Variants in ZHX3 observed in about 807,000 individuals in gnomAD.
ZHX3 encodes the protein zinc fingers and homeoboxes 3, also known as zinc fingers and homeoboxes protein 3.
A neutral mutation model predicts 64.5 loss-of-function variants in ZHX3; 20 were observed. The ratio of observed to expected loss-of-function variants is 0.31; its 90% CI spans 0.22 to 0.45. The LOEUF is 0.45. Ranked by LOEUF, ZHX3 falls within the 20% of genes least tolerant of loss-of-function variation. ZHX3 has a pLI of 1.00. For synonymous variants in ZHX3, 423 were observed against 461.6 expected (o/e 0.92, Z 1.07); for missense variants, 1,041 against 1,195.8 (o/e 0.87, Z 1.91).
intron 3 of ZHX3, among the ~76,000 whole-genome samples, chr20:41,187,761 T>C (rs2146114165): frequency 6.6e-6 from 1 of 152,376 alleles, no homozygotes; most frequent in African/African-American, 2.4e-5. Context: ...CCTGAGATTC[T>C]ATATAAACTT....
chr20:41,257,864 G>A (rs6129785), intron 2 of ZHX3, among the ~76,000 whole-genome samples: 24,163 of 143,978 alleles, frequency 0.17, 4,157 homozygotes, highest in East Asian at 0.71. Flanking sequence ...GCCCACCTTG[G>A]CCTCCCAAAG....
At chr20:41,234,824 A>G (rs1210760160) in intron 2 of ZHX3, among the ~76,000 whole-genome samples, 2 of 152,222 alleles carry the variant, frequency 1.3e-5, no homozygotes, top group African/African-American at 4.8e-5. Flanking sequence ...CTGGCATTCT[A>G]GAAGCAGCAT....
intron 1 of ZHX3, among the ~76,000 whole-genome samples, chr20:41,278,221 T>C (rs2043489766): frequency 7.2e-6 from 1 of 138,374 alleles, no homozygotes; most frequent in Non-Finnish European, 1.6e-5. Flanking sequence ...GTAACACTTG[T>C]AGTCCCAGCT....
chr20:41,297,828 A>G (rs2044611364), intron 1 of ZHX3, among the ~76,000 whole-genome samples: 1 of 152,196 alleles, frequency 6.6e-6, no homozygotes, highest in Non-Finnish European at 1.5e-5. Flanking sequence ...TCCAAAGGCG[A>G]GTTAAAGGAA....
intron 3 of ZHX3, among the ~76,000 whole-genome samples, chr20:41,197,997 C>CTTTTTTTTTTTTTT (rs1491008137): frequency 7.2e-6 from 1 of 138,236 alleles, no homozygotes; most frequent in Non-Finnish European, 1.5e-5. Context: ...TTAACTAGTG[C>CTTTTTTTTTTTTTT]TCTTTTTTTT....
intron 1 of ZHX3, among the ~76,000 whole-genome samples, chr20:41,279,341 G>A (rs1046126448): frequency 4.6e-5 from 7 of 151,504 alleles, no homozygotes; most frequent in African/African-American, 1.5e-4. Context: ...CACAACCCCC[G>A]CTCCACACAT....
intron 1 of ZHX3, among the ~76,000 whole-genome samples, chr20:41,288,724 ATG>A (rs1458331507): frequency 6.6e-6 from 1 of 152,180 alleles, no homozygotes; most frequent in African/African-American, 2.4e-5. Context: ...TTTATATTAT[ATG>A]TCTATGACCC....
intron 2 of ZHX3, among the ~76,000 whole-genome samples, chr20:41,244,630 A>AT (rs369531711): frequency 1.2e-4 from 19 of 152,306 alleles, no homozygotes; most frequent in African/African-American, 4.6e-4. Context: ...AGTGGAGAGG[A>AT]TGGATTCTAG....
At chr20:41,282,638 G>A (rs1035475719) in intron 1 of ZHX3, among the ~76,000 whole-genome samples, 1 of 152,050 alleles carries the variant, frequency 6.6e-6, no homozygotes, top group Non-Finnish European at 1.5e-5. Flanking sequence ...GATTACAGGC[G>A]TAAGCCACCG....
intron 1 of ZHX3, among the ~76,000 whole-genome samples, chr20:41,298,097 TAAG>T (rs1208170403): frequency 6.6e-6 from 1 of 152,092 alleles, no homozygotes; most frequent in Non-Finnish European, 1.5e-5. Flanking sequence ...ATTTATATTT[TAAG>T]AAGACCAGAG....
In ZHX3 at chr20:41,178,871, AAAAC is replaced by A. The variant is rs560318327; in HGVS notation, c.*6316_*6319del. 10 of 152,680 alleles carry A rather than the reference AAAAC, an allele frequency of 6.5e-5. No homozygotes were observed. The highest frequency in any genetic ancestry group is 1.4e-4 in the African/African-American group (6 of 41,458). The allele number at this position is 152,680 out of a possible 1,614,324, so 9.5% of individuals were successfully genotyped here. On this transcript the variant is annotated 3_prime_UTR_variant, in exon 4 of 4. Transcript: ENST00000683867. The stretch of plus-strand genomic sequence containing the variant: ...TTTGGCTAAAGTTTCATTGTGCCTC[AAAAC>A]AAACAAAAACAGGGCAGTTGCCTCT...
At chr20:41,255,191 G>A (rs971369195) in intron 2 of ZHX3, among the ~76,000 whole-genome samples, 2 of 152,014 alleles carry the variant, frequency 1.3e-5, no homozygotes, top group Non-Finnish European at 2.9e-5. Flanking sequence ...TCGCACTGTC[G>A]CCCAGGCTGG....
intron 1 of ZHX3, chr20:41,290,394 G>T (rs2044171481): frequency 6.6e-6 from 1 of 152,200 alleles, no homozygotes; most frequent in Non-Finnish European, 1.5e-5. Context: ...ACCTAGACAG[G>T]TTCACTCCTC....
intron 2 of ZHX3, among the ~76,000 whole-genome samples, chr20:41,215,770 T>TAAAAAAAAAAAAA (rs55922605): frequency 2.4e-4 from 24 of 101,146 alleles, no homozygotes; most frequent in African/African-American, 7.8e-4. Flanking sequence ...ACGTCTCTAC[T>TAAAAAAAAAAAAA]AAAAAAAAAA....
intron 1 of ZHX3, chr20:41,299,905 G>C (rs968839760): frequency 6.8e-6 from 1 of 146,632 alleles, no homozygotes; most frequent in African/African-American, 2.5e-5. Flanking sequence ...CCAAGCATGA[G>C]AGTTTAGTGA....
At chr20:41,269,344 C>A (rs578196902) in intron 1 of ZHX3, 12 of 152,182 alleles carry the variant, frequency 7.9e-5, no homozygotes, top group Non-Finnish European at 1.0e-4. Context: ...AACGCTCTTT[C>A]CACCAATGAG....
chr20:41,216,691 C>A (rs2039559494), intron 2 of ZHX3, among the ~76,000 whole-genome samples: 1 of 152,164 alleles, frequency 6.6e-6, no homozygotes, highest in African/African-American at 2.4e-5. Flanking sequence ...CATCCCTGCA[C>A]ATATTTTTAT....
chr20:41,244,565 G>A (rs970056185), intron 2 of ZHX3, among the ~76,000 whole-genome samples: 4 of 152,158 alleles, frequency 2.6e-5, no homozygotes, highest in Admixed American at 1.3e-4. Context: ...ATCCCATGAT[G>A]AGGGCCCTTT....
intron 1 of ZHX3, among the ~76,000 whole-genome samples, chr20:41,292,104 G>A (rs1298850321): frequency 6.7e-6 from 1 of 149,914 alleles, no homozygotes; most frequent in Non-Finnish European, 1.5e-5. Context: ...ATTGAATATT[G>A]GCATTATTGC....
Sources: allele counts gnomAD v4.1 joint callset (sites outside exome capture counted in the v4.1 genomes callset), GRCh38; gene constraint gnomAD v4.1.1; transcripts MANE v1.5; gene names NCBI Gene and HGNC (gene_info 2026-07-23, HGNC 2026-07-21).